The following PDE6C variants were observed in gnomAD, a reference collection of about 807,000 sequenced individuals.
PDE6C encodes the protein phosphodiesterase 6C.
In PDE6C, 75 loss-of-function variants were observed where a neutral mutation model predicts 113.1. That is an observed-to-expected ratio of 0.66 (90% CI 0.55 to 0.80). The LOEUF is 0.80. Among genes scored for constraint, PDE6C ranks in the 30% least tolerant of loss-of-function variants. The pLI, the probability that PDE6C is intolerant of heterozygous loss-of-function variation, is 0.00. For missense variants in PDE6C, 912 were observed against 1,038.6 expected (o/e 0.88, Z 1.67); for synonymous variants, 375 against 363.7 (o/e 1.03, Z -0.35).
At chr10:93,629,454 C>T in intron 8 of PDE6C, 149 bp downstream of exon 8, 1 of 726,266 alleles carries the variant, frequency 1.4e-6, no homozygotes, top group South Asian at 1.5e-5. Context: ...CTGGCTGGGC[C>T]AGCAAGTAGC....
chr10:93,626,566 G>A (rs1325219586), intron 5 of PDE6C, 74 bp from the exon 6 acceptor site: 13 of 845,472 alleles, frequency 1.5e-5, no homozygotes, highest in Non-Finnish European at 2.2e-5. Context: ...GAGTTTTAAA[G>A]TACAAGTTCC....
chr10:93,662,772 G>C, intron 20 of PDE6C, 129 bp downstream of exon 20: 3 of 687,500 alleles, frequency 4.4e-6, no homozygotes, highest in South Asian at 3.4e-5. Flanking sequence ...CTCCAAAGCA[G>C]TTTGAGGTTT....
chr10:93,620,661 G>A lies in PDE6C; in HGVS notation c.510G>A (p.Lys170=), dbSNP rs2058441142. ...KNSHFSDFMD[K]QTGYVTKNLL... is the part of the protein sequence containing the mutation. ...GCCATTTTTCTGACTTCATGGACAA[G>A]CAAACTGGGTATGTCACTAAGAACC... is the stretch of plus-strand genomic sequence containing the variant. Residue 170 remains lysine (K), a synonymous_variant, in exon 2 of 22, where the codon AAG becomes AAA. Coordinates refer to ENST00000371447, the MANE Select transcript of PDE6C (RefSeq NM_006204.4). 1.2e-6 allele frequency: 2 copies of A among 1,614,046 alleles called. No homozygotes were observed. Among genetic ancestry groups the A allele is most frequent in the African/African-American group, 2.7e-5 (2 of 74,930 alleles).
chr10:93,664,323 GTAAGAAAA>G (rs2058680236), intron 21 of PDE6C, among the ~76,000 whole-genome samples: 2 of 152,314 alleles, frequency 1.3e-5, no homozygotes, highest in East Asian at 3.9e-4. Flanking sequence ...GGGAGGAAGA[GTAAGAAAA>G]TATGTACAAA....
rs777069313 is a variant in PDE6C at position 93,646,035 on chromosome 10, G to A, written c.1923G>A (p.Leu641=). The A allele has an allele frequency of 6.3e-7, 1 of 1,585,728 alleles. No individual in the cohort carries two copies. The highest frequency in any genetic ancestry group is 1.1e-5 in the South Asian group (1 of 90,530). Reference sequence around the variant, plus strand: ...ACCACCTGGAGTACAGTAAGACTCTGTTGCAGGATGAGGTACGTAAACCTC... The same window carrying A: ...ACCACCTGGAGTACAGTAAGACTCTATTGCAGGATGAGGTACGTAAACCTC... ...ERHHLEYSKT[L]LQDESLNIFQ... Residue 641 remains leucine, a synonymous_variant, in exon 15 of 22, where the codon CTG becomes CTA. Transcript: ENST00000371447.
At chr10:93,631,678 C>A (rs1055896489) in intron 8 of PDE6C, among the ~76,000 whole-genome samples, 3 of 152,238 alleles carry the variant, frequency 2.0e-5, no homozygotes, top group Admixed American at 1.3e-4. Context: ...CAAACCACCA[C>A]CCTCCTTTTG....
In PDE6C at chr10:93,620,673, T is replaced by C. The variant is rs2058441238; in HGVS notation, c.522T>C (p.Tyr174=). The part of the protein sequence containing the change: ...FSDFMDKQTG[Y]VTKNLLATPI... ...ACTTCATGGACAAGCAAACTGGGTA[T>C]GTCACTAAGAACCTGCTGGCAACCC... Residue 174 remains tyrosine, a synonymous_variant, in exon 2 of 22, where the codon TAT becomes TAC. Coordinates refer to ENST00000371447, the MANE Select transcript of PDE6C (RefSeq NM_006204.4). The C allele has an allele frequency of 6.2e-7, 1 of 1,614,202 alleles. No homozygotes were observed. The highest frequency in any genetic ancestry group is 8.5e-7 in the Non-Finnish European group (1 of 1,180,020).
chr10:93,646,749 CATTCATAA>C (rs2058586376), intron 15 of PDE6C, among the ~76,000 whole-genome samples: 1 of 152,156 alleles, frequency 6.6e-6, no homozygotes, highest in South Asian at 2.1e-4. Context: ...GGGGCTAAAC[CATTCATAA>C]GAAACACTGC....
Position 93,659,003 on chromosome 10 carries a change from T to A in PDE6C, c.2139T>A (p.Ile713=). 1 of 1,591,656 alleles carries A rather than the reference T, an allele frequency of 6.3e-7. No individual in the cohort carries two copies. The highest frequency in any genetic ancestry group is 8.6e-7 in the Non-Finnish European group (1 of 1,159,730). The change falls in exon 17 of 22, where the codon ATT becomes ATA. Residue 713 remains isoleucine, a synonymous_variant. Transcript: ENST00000371447. ...YVTVDPTKKE[I]IMAMMMTACD... is the part of the protein sequence containing the mutation. The stretch of plus-strand genomic sequence containing the variant: ...CTGTTGATCCAACCAAGAAAGAGAT[T>A]ATCATGTAGGTAGTTGAAATTGTAT...
At chr10:93,621,845 T>C (rs1233898159) in intron 3 of PDE6C, 87 bp from the exon 4 acceptor site, 3 of 1,206,856 alleles carry the variant, frequency 2.5e-6, no homozygotes, top group Non-Finnish European at 3.7e-6. Flanking sequence ...TTTTATTTGA[T>C]GCACCTCATG....
At chr10:93,647,620 G>A (rs372980261) in intron 15 of PDE6C, among the ~76,000 whole-genome samples, 109 of 152,238 alleles carry the variant, frequency 7.2e-4, no homozygotes, top group Middle Eastern at 3.4e-3. Context: ...CTCAGACATG[G>A]GTACCTGGAC....
At chr10:93,617,848 T>C (rs1163821330) in intron 1 of PDE6C, among the ~76,000 whole-genome samples, 1 of 152,210 alleles carries the variant, frequency 6.6e-6, no homozygotes, top group Non-Finnish European at 1.5e-5. Flanking sequence ...ATGATTCCTT[T>C]AGTGCCCAGG....
intron 21 of PDE6C, among the ~76,000 whole-genome samples, chr10:93,664,417 G>A (rs114524898): frequency 1.4e-4 from 22 of 152,330 alleles, no homozygotes; most frequent in African/African-American, 5.1e-4. Flanking sequence ...AGAGTAAAGA[G>A]TGCGAAGTAC....
chr10:93,657,717 C>T (rs1196141617), intron 16 of PDE6C, among the ~76,000 whole-genome samples: 1 of 145,454 alleles, frequency 6.9e-6, no homozygotes, highest in Non-Finnish European at 1.5e-5. Flanking sequence ...TCATCATTGC[C>T]TACAATGCTA....
In PDE6C at chr10:93,615,014, G is replaced by A. The variant is rs141117959; in HGVS notation, c.480+1809G>A. On this transcript the variant is annotated intron_variant, in intron 1 of 21. Transcript: ENST00000371447. ...CTGTACATTAAAACCATATTAAGCT[G>A]TGTGCAGTGGCTCACGCCTGTAATC... is the stretch of plus-strand genomic sequence containing the variant. 2.6e-4 allele frequency among the ~76,000 whole-genome samples: 39 copies of A among 152,336 alleles called. 1 individual carries two copies. Among genetic ancestry groups the A allele is most frequent in the African/African-American group, 8.9e-4 (37 of 41,580 alleles).
chr10:93,655,084 A>G (rs1056607774), intron 15 of PDE6C, among the ~76,000 whole-genome samples: 2 of 151,980 alleles, frequency 1.3e-5, no homozygotes, highest in African/African-American at 4.8e-5. Flanking sequence ...CCAAAGTGCT[A>G]CAAGCATGAG....
At chr10:93,660,258 T>C (rs1256316771) in intron 18 of PDE6C, among the ~76,000 whole-genome samples, 1 of 152,212 alleles carries the variant, frequency 6.6e-6, no homozygotes, top group Non-Finnish European at 1.5e-5. Context: ...GTTTTACATG[T>C]AATACAGGAG....
chr10:93,656,511 G>T (rs1050804138), intron 16 of PDE6C, among the ~76,000 whole-genome samples: 110 of 151,936 alleles, frequency 7.2e-4, no homozygotes, highest in Non-Finnish European at 1.5e-3. Flanking sequence ...TCAGTGGCTT[G>T]GGCATTGTCA....
chr10:93,640,087 C>G lies in PDE6C; in HGVS notation c.1500C>G (p.Asp500Glu), dbSNP rs1404993233. 6.2e-7 allele frequency: 1 copy of G among 1,614,074 alleles called. No homozygotes were observed. Residue 500 changes from aspartate to glutamate, a missense_variant, in exon 12 of 22, where the codon GAC becomes GAG. By Grantham distance (45) the Asp-to-Glu change is conservative. Transcript: ENST00000371447. ...TTCAACAGAAAGAGGACTTGCCAGACCCACGCTCAGCAGAACTGTACGAAT... is the reference window on the plus strand; with the variant it reads ...TTCAACAGAAAGAGGACTTGCCAGAGCCACGCTCAGCAGAACTGTACGAAT... The part of the protein sequence containing the change: ...LVAILKEDLP[D>E]PRSAELYEFR...
Sources: gnomAD v4.1 joint callset for allele counts (sites outside exome capture counted in the v4.1 genomes callset) on GRCh38, gnomAD v4.1.1 for gene constraint, MANE v1.5 for transcripts, NCBI Gene and HGNC (gene_info 2026-07-23, HGNC 2026-07-21) for gene names.